RORB: variants seen among roughly 807,000 people sequenced by gnomAD.
RORB encodes the protein RAR related orphan receptor B.
RORB carries 6 observed loss-of-function variants against 59.1 expected under a neutral mutation model. The ratio of observed to expected loss-of-function variants is 0.10; its 90% CI spans 0.06 to 0.20. RORB has a LOEUF of 0.20. Among genes scored for constraint, RORB ranks in the 10% least tolerant of loss-of-function variants. The pLI, the probability that RORB is intolerant of heterozygous loss-of-function variation, is 1.00. For synonymous variants in RORB, 215 were observed against 204.5 expected, an observed-to-expected ratio of 1.05 and a Z score of -0.44; for missense variants, 320 against 560.5, an observed-to-expected ratio of 0.57 and a Z score of 4.33.
At chr9:74,613,217 TA>T (rs1823259781) in intron 1 of RORB, among the ~76,000 whole-genome samples, 1 of 152,230 alleles carries the variant, frequency 6.6e-6, no homozygotes, top group Admixed American at 6.5e-5. Context: ...CTTTCACATT[TA>T]CTCCTTTTAT....
chr9:74,605,495 C>A (rs1016388199), intron 1 of RORB, among the ~76,000 whole-genome samples: 56 of 152,234 alleles, frequency 3.7e-4, no homozygotes, highest in African/African-American at 1.3e-3. Flanking sequence ...CCAAATTGCT[C>A]CTAGCAAGGA....
At chr9:74,534,247 T>G (rs1034300798) in intron 1 of RORB, among the ~76,000 whole-genome samples, 1 of 152,030 alleles carries the variant, frequency 6.6e-6, no homozygotes, top group African/African-American at 2.4e-5. Flanking sequence ...AGATACGGAA[T>G]GGTGAATGGA....
At chr9:74,529,050 C>T (rs890715790) in intron 1 of RORB, among the ~76,000 whole-genome samples, 2 of 151,904 alleles carry the variant, frequency 1.3e-5, no homozygotes, top group African/African-American at 2.4e-5. Context: ...GTGCTCTATT[C>T]GTTATCTATG....
At chr9:74,680,483 G>C (rs1276155161) in intron 9 of RORB, among the ~76,000 whole-genome samples, 6 of 152,132 alleles carry the variant, frequency 3.9e-5, no homozygotes, top group Non-Finnish European at 7.4e-5. Context: ...TCCAGCCCCA[G>C]CTGAGTCAAA....
chr9:74,617,685 C>T (rs773207234), intron 1 of RORB, among the ~76,000 whole-genome samples: 1 of 152,102 alleles, frequency 6.6e-6, no homozygotes, highest in African/African-American at 2.4e-5. Flanking sequence ...ACACTGACAC[C>T]GGGCCTTTGT....
intron 1 of RORB, among the ~76,000 whole-genome samples, chr9:74,557,058 G>A (rs1472625878): frequency 6.6e-6 from 1 of 151,720 alleles, no homozygotes; most frequent in African/African-American, 2.4e-5. Flanking sequence ...CCTCCCAGCT[G>A]TTCTTCCAGG....
chr9:74,528,733 A>G (rs527876463), intron 1 of RORB, among the ~76,000 whole-genome samples: 11 of 152,118 alleles, frequency 7.2e-5, no homozygotes, highest in African/African-American at 2.4e-4. Flanking sequence ...AAGAGCTACT[A>G]GGTGCTATTC....
At chr9:74,640,603 A>T (rs1322659056) in intron 3 of RORB, among the ~76,000 whole-genome samples, 3 of 152,122 alleles carry the variant, frequency 2.0e-5, no homozygotes, top group Non-Finnish European at 4.4e-5. Context: ...GGTTTTTAAG[A>T]AGGATTAAGA....
intron 9 of RORB, among the ~76,000 whole-genome samples, chr9:74,681,422 C>T (rs1050882280): frequency 1.3e-5 from 2 of 152,224 alleles, no homozygotes; most frequent in African/African-American, 2.4e-5. Flanking sequence ...CTTCTGTTTC[C>T]ACAGCCGACT....
intron 1 of RORB, among the ~76,000 whole-genome samples, chr9:74,608,271 T>G (rs940532634): frequency 3.3e-5 from 5 of 151,978 alleles, no homozygotes; most frequent in Non-Finnish European, 7.4e-5. Flanking sequence ...AATAAGAAAA[T>G]TGCTAGTTTC....
At chr9:74,498,356 C>T in intron 1 of RORB, 1 of 223,498 alleles carries the variant, frequency 4.5e-6, no homozygotes. Flanking sequence ...TTTGGAAGCG[C>T]CCGGCGCGCA....
At chr9:74,680,148 C>G (rs17060407) in intron 9 of RORB, among the ~76,000 whole-genome samples, 9,053 of 151,950 alleles carry the variant, frequency 0.06, 485 homozygotes, top group East Asian at 0.29. Context: ...GTAAGAGGAA[C>G]CACCTCCAAC....
chr9:74,513,809 T>A (rs1227427706), intron 1 of RORB, among the ~76,000 whole-genome samples: 1 of 152,154 alleles, frequency 6.6e-6, no homozygotes, highest in East Asian at 1.9e-4. Flanking sequence ...TATATTTAAA[T>A]GAAACTCATT....
intron 1 of RORB, among the ~76,000 whole-genome samples, chr9:74,501,842 G>A (rs1825807213): frequency 6.6e-6 from 1 of 152,134 alleles, no homozygotes; most frequent in Non-Finnish European, 1.5e-5. Flanking sequence ...GGGAAACCAG[G>A]AGGAAAATGT....
chr9:74,580,225 C>T (rs550674679), intron 1 of RORB, among the ~76,000 whole-genome samples: 5 of 151,976 alleles, frequency 3.3e-5, no homozygotes, highest in Admixed American at 3.3e-4. Flanking sequence ...CATAATATAC[C>T]TCAACAAGAG....
intron 1 of RORB, among the ~76,000 whole-genome samples, chr9:74,620,177 T>A (rs1052638471): frequency 1.3e-5 from 2 of 152,124 alleles, no homozygotes; most frequent in African/African-American, 4.8e-5. Flanking sequence ...GGTCCTGGAC[T>A]TTTTTTGGTT....
At chr9:74,598,868 G>A (rs1287922390) in intron 1 of RORB, among the ~76,000 whole-genome samples, 1 of 152,162 alleles carries the variant, frequency 6.6e-6, no homozygotes, top group Non-Finnish European at 1.5e-5. Context: ...CTTTAATGAT[G>A]TATCATAACA....
intron 9 of RORB, among the ~76,000 whole-genome samples, chr9:74,676,758 C>T (rs752748622): frequency 3.3e-5 from 5 of 152,246 alleles, no homozygotes; most frequent in African/African-American, 4.8e-5. Context: ...TCCCGTCCCC[C>T]GCGGGGCTCT....
At chr9:74,620,596 T>A (rs1823398218) in intron 1 of RORB, among the ~76,000 whole-genome samples, 1 of 152,232 alleles carries the variant, frequency 6.6e-6, no homozygotes. Flanking sequence ...AGCTTTTGAA[T>A]GTGTTTGCTC....
Sources: gnomAD v4.1 joint callset for allele counts (sites outside exome capture counted in the v4.1 genomes callset) on GRCh38, gnomAD v4.1.1 for gene constraint, MANE v1.5 for transcripts, NCBI Gene and HGNC (gene_info 2026-07-23, HGNC 2026-07-21) for gene names.